The following IQCJ variants were observed in gnomAD, a reference collection of about 807,000 sequenced individuals.
The protein encoded by IQCJ is IQ motif containing J.
Under a neutral mutation model 11.0 loss-of-function variants are expected in IQCJ, and 9 were observed. The observed-to-expected ratio is 0.82, with a 90% CI of 0.49 to 1.43. The LOEUF (loss-of-function observed/expected upper bound fraction) is 1.43. Among genes scored for constraint, IQCJ ranks in the 40% most tolerant of loss-of-function variants. IQCJ has a pLI of 0.00. For synonymous variants in IQCJ, 55 were observed against 51.3 expected, an observed-to-expected ratio of 1.07 and a Z score of -0.31; for missense variants, 146 against 133.2, an observed-to-expected ratio of 1.10 and a Z score of -0.47.
chr3:159,247,632 G>A (rs1727351038), intron 2 of IQCJ, among the ~76,000 whole-genome samples: 1 of 152,200 alleles, frequency 6.6e-6, no homozygotes, highest in African/African-American at 2.4e-5. Context: ...CCTCTGGAAT[G>A]AGGGTCTTAG....
chr3:159,259,970 G>C (rs867853868), intron 3 of IQCJ, among the ~76,000 whole-genome samples: 1 of 152,128 alleles, frequency 6.6e-6, no homozygotes, highest in Non-Finnish European at 1.5e-5. Context: ...CAAAAAAACA[G>C]CTCCTGTATT....
chr3:159,095,160 C>A (rs1017412510), intron 1 of IQCJ, among the ~76,000 whole-genome samples: 2 of 151,674 alleles, frequency 1.3e-5, no homozygotes, highest in Admixed American at 6.6e-5. Flanking sequence ...TCTAAAATAC[C>A]CTTATACCTT....
intron 1 of IQCJ, among the ~76,000 whole-genome samples, chr3:159,146,348 A>G (rs1320560516): frequency 6.6e-6 from 1 of 152,192 alleles, no homozygotes; most frequent in Admixed American, 6.5e-5. Flanking sequence ...TGTAAATACA[A>G]CAGAATGGAA....
At position 159,254,540 on chromosome 3, in the gene IQCJ, A is replaced by G. The variant is rs138989873; in HGVS notation, c.155+1733A>G. On this transcript the variant is annotated intron_variant, in intron 3 of 3. Transcript: ENST00000397832. Reference sequence around the variant, plus strand: ...TGCCCAACAATAGAACTTGAGTCCCATTGGAGAGTTTAGTCTAGTTCAGTG... The same window carrying G: ...TGCCCAACAATAGAACTTGAGTCCCGTTGGAGAGTTTAGTCTAGTTCAGTG... 7.1e-3 allele frequency among the ~76,000 whole-genome samples: 1,077 copies of G among 152,310 alleles called. 11 individuals are homozygous for G. The highest frequency in any genetic ancestry group is 0.025 in the African/African-American group (1,026 of 41,556).
chr3:159,228,513 G>A (rs540595838), intron 1 of IQCJ, among the ~76,000 whole-genome samples: 228 of 151,848 alleles, frequency 1.5e-3, no homozygotes, highest in African/African-American at 5.4e-3. Context: ...TGGCCTGGCC[G>A]GGCGCGGTGG....
intron 1 of IQCJ, among the ~76,000 whole-genome samples, chr3:159,123,358 G>T (rs1011208183): frequency 2.0e-5 from 3 of 152,128 alleles, no homozygotes; most frequent in African/African-American, 4.8e-5. Flanking sequence ...CATAGGAGAA[G>T]AATTCACACT....
At chr3:159,072,323 G>C (rs536551532) in intron 1 of IQCJ, among the ~76,000 whole-genome samples, 3 of 152,104 alleles carry the variant, frequency 2.0e-5, no homozygotes, top group African/African-American at 2.4e-5. Context: ...TCAACCAAGC[G>C]GGGGAGGAGG....
At chr3:159,184,653 G>A (rs375609753) in intron 1 of IQCJ, among the ~76,000 whole-genome samples, 15 of 152,218 alleles carry the variant, frequency 9.9e-5, no homozygotes, top group Admixed American at 2.0e-4. Flanking sequence ...TTTCTTACAT[G>A]TCTACTTCTG....
intron 1 of IQCJ, among the ~76,000 whole-genome samples, chr3:159,161,707 A>G (rs1721869935): frequency 6.6e-6 from 1 of 152,164 alleles, no homozygotes. Flanking sequence ...TAATTTTTGT[A>G]TAAGGTGTAA....
At chr3:159,187,825 T>G (rs941497952) in intron 1 of IQCJ, among the ~76,000 whole-genome samples, 1 of 152,034 alleles carries the variant, frequency 6.6e-6, no homozygotes, top group African/African-American at 2.4e-5. Flanking sequence ...GTCCTGAGAG[T>G]GAAAGCTTTT....
downstream of IQCJ, chr3:159,265,140 G>A (rs2108243785): frequency 7.7e-7 from 1 of 1,290,418 alleles, no homozygotes; most frequent in Non-Finnish European, 1.1e-6. Flanking sequence ...CCAAGTCACA[G>A]TTTAAAAGAA....
intron 1 of IQCJ, among the ~76,000 whole-genome samples, chr3:159,106,078 G>A (rs1718237858): frequency 6.6e-6 from 1 of 152,170 alleles, no homozygotes; most frequent in African/African-American, 2.4e-5. Flanking sequence ...ACATTTGCTA[G>A]TTCATGGAAT....
chr3:159,071,392 C>T (rs1408742731), intron 1 of IQCJ, among the ~76,000 whole-genome samples: 1 of 151,870 alleles, frequency 6.6e-6, no homozygotes, highest in Non-Finnish European at 1.5e-5. Context: ...AAGATTGTGT[C>T]TTATTCAATG....
chr3:159,110,684 A>G lies in IQCJ; in HGVS notation c.9+41243A>G, dbSNP rs529434474. Among the ~76,000 whole-genome samples the G allele has an allele frequency of 2.0e-5, 3 of 152,302 alleles. No homozygotes were observed. The East Asian group carries it at 5.8e-4, about 29-fold the overall frequency. On this transcript the variant is annotated intron_variant, in intron 1 of 3. Transcript: ENST00000397832. ...TCACTGTATCCCCAGCACCCAGCGC[A>G]GTACCTGGCAGACAGGGTACTCCAT...
At chr3:159,204,787 G>A (rs1175522936) in intron 1 of IQCJ, among the ~76,000 whole-genome samples, 2 of 152,200 alleles carry the variant, frequency 1.3e-5, no homozygotes, top group Non-Finnish European at 2.9e-5. Context: ...ATCTGTGAGT[G>A]TGAGTGTGAA....
intron 1 of IQCJ, among the ~76,000 whole-genome samples, chr3:159,119,553 G>GA (rs987894230): frequency 2.6e-5 from 4 of 151,988 alleles, no homozygotes; most frequent in Non-Finnish European, 2.9e-5. Context: ...TAAAACATCA[G>GA]AAAAAAACAT....
intron 1 of IQCJ, among the ~76,000 whole-genome samples, chr3:159,201,890 G>A (rs1230904111): frequency 6.6e-6 from 1 of 152,132 alleles, no homozygotes; most frequent in Non-Finnish European, 1.5e-5. Context: ...TTTGGTGCTA[G>A]GTTGGTGAAT....
intron 1 of IQCJ, among the ~76,000 whole-genome samples, chr3:159,082,988 T>G (rs1716429672): frequency 1.3e-5 from 2 of 152,112 alleles, no homozygotes; most frequent in South Asian, 4.1e-4. Context: ...GACTTGAATG[T>G]AAAATGGAAA....
intron 1 of IQCJ, among the ~76,000 whole-genome samples, chr3:159,181,560 C>G (rs1723092440): frequency 6.6e-6 from 1 of 151,114 alleles, no homozygotes; most frequent in Non-Finnish European, 1.5e-5. Context: ...CCTCTCAAGG[C>G]AAAATGCAAA....
Sources: allele counts gnomAD v4.1 joint callset (sites outside exome capture counted in the v4.1 genomes callset), GRCh38; gene constraint gnomAD v4.1.1; transcripts MANE v1.5; gene names NCBI Gene and HGNC (gene_info 2026-07-23, HGNC 2026-07-21).